Variants in NAV3 observed in about 807,000 individuals in gnomAD.
NAV3 encodes pore membrane and/or filament interacting like protein 1.
NAV3 carries 87 observed loss-of-function variants against 244.7 expected under a neutral mutation model. The ratio of observed to expected loss-of-function variants is 0.36; its 90% CI spans 0.30 to 0.42. The LOEUF is 0.42. Ranked by LOEUF, NAV3 falls within the 20% of genes least tolerant of loss-of-function variation. The pLI is 1.00. For missense variants in NAV3, 2,663 were observed against 2,893.3 expected (o/e 0.92, Z 1.83); for synonymous variants, 1,126 against 1,042.2 (o/e 1.08, Z -1.55).
chr12:78,059,045 A>C lies in NAV3; in HGVS notation c.2566A>C (p.Ile856Leu), dbSNP rs746881454. 6.2e-7 allele frequency: 1 copy of C among 1,611,244 alleles called. No individual in the cohort carries two copies. The highest frequency in any genetic ancestry group is 8.5e-7 in the Non-Finnish European group (1 of 1,178,480). Residue 856 changes from isoleucine to leucine, a missense_variant, in exon 12 of 40, where the codon ATA (isoleucine) becomes CTA (leucine). Transcript: ENST00000397909. Reference protein sequence around the residue: ...LNLYTRSLNRIPDTATSRDII... With the variant: ...LNLYTRSLNRLPDTATSRDII... ...CCTATATACTAGAAGTCTGAACCGA[A>C]TACCAGACACAGCAACTTCCCGGGA...
Position 78,106,017 on chromosome 12 carries a change from G to A in NAV3, c.2637-10755G>A, listed in dbSNP as rs541112401. On this transcript the variant is annotated intron_variant, in intron 12 of 39. Transcript: ENST00000397909. ...TTATTTTTCCTAGACTTAAATATTA[G>A]TATAATATTATCATAGAGGAAAAAA... is the stretch of plus-strand genomic sequence containing the variant. Among the ~76,000 whole-genome samples the A allele has an allele frequency of 3.0e-4, 46 of 151,160 alleles. 1 individual carries two copies. Among genetic ancestry groups the A allele is most frequent in the African/African-American group, 1.0e-3 (42 of 41,380 alleles).
At chr12:78,189,561 CAT>C (rs34797197) in intron 33 of NAV3, among the ~76,000 whole-genome samples, 11 of 148,386 alleles carry the variant, frequency 7.4e-5, no homozygotes, top group African/African-American at 9.8e-5. Context: ...CACACACACC[CAT>C]ATATATATAT....
At chr12:78,058,021 A>G (rs1883771902) in intron 11 of NAV3, among the ~76,000 whole-genome samples, 1 of 152,230 alleles carries the variant, frequency 6.6e-6, no homozygotes, top group Non-Finnish European at 1.5e-5. Context: ...GCCACTCTAA[A>G]GGAAGATGCT....
intron 3 of NAV3, among the ~76,000 whole-genome samples, chr12:77,953,919 T>C (rs942969700): frequency 5.9e-5 from 9 of 152,156 alleles, no homozygotes; most frequent in African/African-American, 2.2e-4. Context: ...CTTAAAACAA[T>C]AGAAATTTAA....
At position 77,803,648 on chromosome 12, in the gene NAV3, T is replaced by C. The variant is rs1003664576; in HGVS notation, c.73-136671T>C. Among the ~76,000 whole-genome samples the C allele has an allele frequency of 1.2e-4, 18 of 152,180 alleles. 1 individual carries two copies. Among genetic ancestry groups the C allele is most frequent in the Non-Finnish European group, 8.8e-5 (6 of 68,026 alleles). ...AATCCTTTGGGTATATGCCCAGTAATGGGATTGCTGGGTCAAATGGTATTT... is the reference window on the plus strand; with the variant it reads ...AATCCTTTGGGTATATGCCCAGTAACGGGATTGCTGGGTCAAATGGTATTT... On this transcript the variant is annotated intron_variant, in intron 2 of 8. Transcript: ENST00000550042.
intron 36 of NAV3, 152 bp from the exon 37 acceptor site, chr12:78,199,183 T>C (rs1457686417): frequency 2.7e-6 from 2 of 727,604 alleles, no homozygotes; most frequent in Non-Finnish European, 4.8e-6. Flanking sequence ...CTAACACCTT[T>C]GATCATGAAA....
At chr12:78,209,655 C>T (rs1960698414) in intron 39 of NAV3, among the ~76,000 whole-genome samples, 1 of 151,986 alleles carries the variant, frequency 6.6e-6, no homozygotes, top group Non-Finnish European at 1.5e-5. Context: ...AGCTGCCTTT[C>T]TCCCCAGGTG....
chr12:78,210,666 T>G lies in NAV3; in HGVS notation c.*149T>G, dbSNP rs1224283122. Reference sequence around the variant, plus strand: ...TCTCCAAGGAGGCAGCAGAACTAAGTCTGAACCGCCAAGATGCTAAATTGC... The same window carrying G: ...TCTCCAAGGAGGCAGCAGAACTAAGGCTGAACCGCCAAGATGCTAAATTGC... On this transcript the variant is annotated 3_prime_UTR_variant, in exon 40 of 40. Transcript: ENST00000397909. 2 of 845,234 alleles carry G rather than the reference T, an allele frequency of 2.4e-6. No homozygotes were observed. Among genetic ancestry groups the G allele is most frequent in the Non-Finnish European group, 3.6e-6 (2 of 551,002 alleles). The allele number at this position is 845,234 out of a possible 1,614,324, so 52.4% of individuals were successfully genotyped here.
At chr12:77,755,577 C>G (rs1369196791) in intron 2 of NAV3, among the ~76,000 whole-genome samples, 2 of 38,278 alleles carry the variant, frequency 5.2e-5, no homozygotes, top group Non-Finnish European at 1.0e-4. Flanking sequence ...CCTTTCCTTT[C>G]CTTTCCTCCC....
intron 9 of NAV3, among the ~76,000 whole-genome samples, chr12:78,043,763 C>G (rs1881283666): frequency 6.6e-6 from 1 of 152,104 alleles, no homozygotes; most frequent in Non-Finnish European, 1.5e-5. Context: ...TATACTTCAC[C>G]CACTTTTTGA....
At chr12:78,170,654 A>G (rs932760731) in intron 24 of NAV3, among the ~76,000 whole-genome samples, 2 of 151,782 alleles carry the variant, frequency 1.3e-5, no homozygotes, top group Non-Finnish European at 2.9e-5. Context: ...GATGATGCAC[A>G]TATAGACTTC....
intron 23 of NAV3, among the ~76,000 whole-genome samples, chr12:78,160,237 A>G (rs909386303): frequency 2.6e-5 from 4 of 152,188 alleles, no homozygotes; most frequent in South Asian, 2.1e-4. Flanking sequence ...AGACAAATGT[A>G]TTAAAAAGGT....
intron 6 of NAV3, among the ~76,000 whole-genome samples, chr12:77,996,309 C>T (rs1006817396): frequency 2.0e-5 from 3 of 152,108 alleles, no homozygotes; most frequent in Non-Finnish European, 2.9e-5. Flanking sequence ...AATCACTGGT[C>T]CTGTAAATTC....
intron 2 of NAV3, among the ~76,000 whole-genome samples, chr12:77,700,848 T>G (rs1875528116): frequency 6.6e-6 from 1 of 151,888 alleles, no homozygotes; most frequent in African/African-American, 2.4e-5. Context: ...TTAATTGCAT[T>G]TATTGGCTTT....
intron 2 of NAV3, among the ~76,000 whole-genome samples, chr12:77,813,722 A>G (rs1872403957): frequency 6.6e-6 from 1 of 152,212 alleles, no homozygotes. Flanking sequence ...AAAAGATAGG[A>G]TGGGTCAGAA....
chr12:77,772,396 A>G (rs746956337), intron 2 of NAV3, among the ~76,000 whole-genome samples: 2 of 152,202 alleles, frequency 1.3e-5, no homozygotes, highest in Non-Finnish European at 2.9e-5. Context: ...CAAATTAAAT[A>G]TTTTATTAAT....
intron 24 of NAV3, 26 bp downstream of exon 24, chr12:78,168,892 C>T (rs767086874): frequency 6.7e-7 from 1 of 1,487,972 alleles, no homozygotes; most frequent in Non-Finnish European, 9.2e-7. Flanking sequence ...ATTTCATTTC[C>T]ACCCAATATA....
chr12:77,922,903 C>G (rs563953221), intron 1 of NAV3, among the ~76,000 whole-genome samples: 1 of 151,798 alleles, frequency 6.6e-6, no homozygotes, highest in Non-Finnish European at 1.5e-5. Context: ...ATCAGATCAC[C>G]CTTATTGTAA....
intron 1 of NAV3, among the ~76,000 whole-genome samples, chr12:77,832,072 CA>C (rs755540441): frequency 6.6e-6 from 1 of 152,248 alleles, no homozygotes; most frequent in East Asian, 1.9e-4. Context: ...TAGGTACTTT[CA>C]AAAAGACATT....
Sources: allele counts gnomAD v4.1 joint callset (sites outside exome capture counted in the v4.1 genomes callset), GRCh38; gene constraint gnomAD v4.1.1; transcripts MANE v1.5; gene names NCBI Gene and HGNC (gene_info 2026-07-23, HGNC 2026-07-21).